Variants in CATSPERE observed in about 807,000 individuals in gnomAD.
CATSPERE encodes cation channel sperm-associated auxiliary subunit epsilon.
A neutral mutation model predicts 114.1 loss-of-function variants in CATSPERE; 93 were observed. That is an observed-to-expected ratio of 0.81 (90% CI 0.69 to 0.97). The LOEUF is 0.97. Ranked by LOEUF, CATSPERE falls within the 50% of genes least tolerant of loss-of-function variation. CATSPERE has a pLI of 0.00. For missense variants in CATSPERE, 1,058 were observed against 1,131.6 expected (o/e 0.93, Z 0.93); for synonymous variants, 341 against 384.1 (o/e 0.89, Z 1.31).
At chr1:244,610,779 GTCTC>G (rs556267414) in intron 19 of CATSPERE, among the ~76,000 whole-genome samples, 170 of 144,436 alleles carry the variant, frequency 1.2e-3, no homozygotes, top group Non-Finnish European at 2.1e-3. Flanking sequence ...TTGAGACAGA[GTCTC>G]TCTCTGTTGC....
chr1:244,491,925 C>T (rs977816724), intron 6 of CATSPERE, among the ~76,000 whole-genome samples: 2 of 152,138 alleles, frequency 1.3e-5, no homozygotes, highest in Non-Finnish European at 2.9e-5. Flanking sequence ...AGACCAATAA[C>T]AGGCTCTGAA....
At chr1:244,590,777 T>G (rs936408762) in intron 14 of CATSPERE, among the ~76,000 whole-genome samples, 1 of 152,348 alleles carries the variant, frequency 6.6e-6, no homozygotes, top group East Asian at 1.9e-4. Context: ...CTTCCTTCCC[T>G]TTTACGGCTG....
At chr1:244,479,341 C>T (rs1398731549) in intron 4 of CATSPERE, among the ~76,000 whole-genome samples, 1 of 152,112 alleles carries the variant, frequency 6.6e-6, no homozygotes, top group East Asian at 1.9e-4. Flanking sequence ...GATCCACCCA[C>T]CTCGGCCTCC....
At chr1:244,606,606 C>CTTTTTTT (rs57618634) in intron 18 of CATSPERE, among the ~76,000 whole-genome samples, 1 of 133,268 alleles carries the variant, frequency 7.5e-6, no homozygotes, top group African/African-American at 2.8e-5. Flanking sequence ...CTTTCTTTTG[C>CTTTTTTT]TTTTTTTTTT....
rs1245837842 is a variant in CATSPERE at position 244,481,415 on chromosome 1, C to A, written c.326+1631C>A. Among the ~76,000 whole-genome samples, 7 of 152,150 alleles carry A rather than the reference C, an allele frequency of 4.6e-5. No homozygotes were observed. The South Asian group carries it at 1.0e-3, about 22-fold the overall frequency. On this transcript the variant is annotated intron_variant, in intron 5 of 21. Transcript: ENST00000366534. The stretch of plus-strand genomic sequence containing the variant: ...GCAGTGAGCTGAGATTGCACCACTG[C>A]ATTTCAGCCTTGGCAGCAAGAGCAA...
chr1:244,618,497 T>C (rs968812644), intron 20 of CATSPERE, among the ~76,000 whole-genome samples: 6 of 152,052 alleles, frequency 3.9e-5, no homozygotes, highest in East Asian at 1.9e-4. Flanking sequence ...AGAAGAAAAA[T>C]AGACCAGGCA....
At position 244,633,975 on chromosome 1, in the gene CATSPERE, T is replaced by C. The variant is rs909762613; in HGVS notation, c.2649-1514T>C. The stretch of plus-strand genomic sequence containing the variant: ...CGCCTCCCGGTTCAAGCAATTCTCC[T>C]GCCTCAACCTCCCAAGTAGCTGGGA... On this transcript the variant is annotated intron_variant, in intron 20 of 21. Transcript: ENST00000366534. This position sits in a 1 kb window ranked among gnomAD's most constrained non-coding sequence, Gnocchi z 4.1. 1.6e-4 allele frequency among the ~76,000 whole-genome samples: 25 copies of C among 151,790 alleles called. No homozygotes were observed. The highest frequency in any genetic ancestry group is 6.1e-4 in the African/African-American group (25 of 41,274).
chr1:244,463,302 C>T (rs187059685), intron 1 of CATSPERE, among the ~76,000 whole-genome samples: 70 of 152,138 alleles, frequency 4.6e-4, no homozygotes, highest in African/African-American at 1.7e-3. Context: ...TTGGACAGTG[C>T]TCTGTTAGAT....
intron 12 of CATSPERE, among the ~76,000 whole-genome samples, chr1:244,582,687 C>T (rs2148615132): frequency 6.6e-6 from 1 of 152,238 alleles, no homozygotes; most frequent in Middle Eastern, 3.4e-3. Context: ...CAGGCATGAG[C>T]CACTGCACCC....
chr1:244,545,087 A>G (rs1422729822), intron 8 of CATSPERE, among the ~76,000 whole-genome samples: 4 of 152,158 alleles, frequency 2.6e-5, no homozygotes, highest in African/African-American at 9.7e-5. Context: ...TGTTGATTGG[A>G]CATAGTGAGC....
intron 15 of CATSPERE, among the ~76,000 whole-genome samples, chr1:244,591,979 C>G (rs1294277312): frequency 6.6e-6 from 1 of 152,100 alleles, no homozygotes; most frequent in Non-Finnish European, 1.5e-5. Context: ...TATGTAGTCT[C>G]AAATCTCATA....
chr1:244,482,166 A>C (rs962129483), intron 5 of CATSPERE, among the ~76,000 whole-genome samples: 5 of 152,196 alleles, frequency 3.3e-5, no homozygotes, highest in African/African-American at 1.2e-4. Flanking sequence ...TAAAAATATC[A>C]ATTAAAGAAT....
chr1:244,465,567 G>GTAGA (rs1292903292), intron 2 of CATSPERE, among the ~76,000 whole-genome samples: 3 of 152,108 alleles, frequency 2.0e-5, no homozygotes, highest in Admixed American at 2.0e-4. Flanking sequence ...TGTTCCGTAT[G>GTAGA]TAGATGAGTT....
At chr1:244,531,235 CAAAAAAAAAAAAA>C in intron 8 of CATSPERE, among the ~76,000 whole-genome samples, 1 of 60,402 alleles carries the variant, frequency 1.7e-5, no homozygotes, top group East Asian at 7.0e-4. Flanking sequence ...GACTCAGTCT[CAAAAAAAAAAAAA>C]AAAAAAAAAA....
At chr1:244,550,194 AG>A (rs1291853474) in intron 8 of CATSPERE, among the ~76,000 whole-genome samples, 4 of 152,194 alleles carry the variant, frequency 2.6e-5, no homozygotes, top group Admixed American at 6.5e-5. Flanking sequence ...CCAATCTAGT[AG>A]ACAGCAAATC....
intron 8 of CATSPERE, among the ~76,000 whole-genome samples, chr1:244,519,962 A>G (rs936995754): frequency 3.3e-5 from 5 of 152,190 alleles, no homozygotes; most frequent in Non-Finnish European, 7.3e-5. Context: ...GGATTCACCA[A>G]GAGTTGGGTC....
At chr1:244,519,826 C>T (rs537479625) in intron 8 of CATSPERE, among the ~76,000 whole-genome samples, 12 of 147,182 alleles carry the variant, frequency 8.2e-5, no homozygotes, top group South Asian at 2.1e-4. Context: ...TGTAGGAAAG[C>T]GCTCAGCCGC....
chr1:244,602,822 A>G (rs1051420688), intron 17 of CATSPERE, among the ~76,000 whole-genome samples: 2 of 152,122 alleles, frequency 1.3e-5, no homozygotes, highest in African/African-American at 4.8e-5. Flanking sequence ...GTACGGTAAG[A>G]TATACAGACG....
chr1:244,517,314 T>A lies in CATSPERE; in HGVS notation c.430-1278T>A, dbSNP rs1238993283. The stretch of plus-strand genomic sequence containing the variant: ...TATTATTTATTATATTTTACTTCCA[T>A]CTTACTCTTTGCTACATTAAGAATG... On this transcript the variant is annotated intron_variant, in intron 7 of 21. Coordinates refer to ENST00000366534, the MANE Select transcript of CATSPERE (RefSeq NM_001130957.2). Among the ~76,000 whole-genome samples the A allele has an allele frequency of 3.3e-5, 5 of 152,042 alleles. No individual in the cohort carries two copies. In the East Asian group the frequency reaches 5.8e-4, roughly 18 times the overall value.
Sources: gnomAD v4.1 joint callset for allele counts (sites outside exome capture counted in the v4.1 genomes callset) on GRCh38, gnomAD v4.1.1 for gene constraint, Gnocchi (gnomAD v3.1) non-coding constraint, MANE v1.5 for transcripts, NCBI Gene and HGNC (gene_info 2026-07-23, HGNC 2026-07-21) for gene names.